PNLDC1: variants seen among roughly 807,000 people sequenced by gnomAD.
PNLDC1 encodes the protein poly(A)-specific ribonuclease PNLDC1.
In PNLDC1, 70 loss-of-function variants were observed where a neutral mutation model predicts 82.0. The observed-to-expected ratio is 0.85, with a 90% confidence interval of 0.70 to 1.04. The LOEUF is 1.04. PNLDC1 is among the 50% of genes least tolerant of loss of function. The pLI is 0.00. For missense variants in PNLDC1, 631 were observed against 661.1 expected (o/e 0.95, Z 0.50); for synonymous variants, 280 against 249.3 (o/e 1.12, Z -1.16).
Position 159,811,706 on chromosome 6 carries a change from T to C in PNLDC1, c.859T>C (p.Tyr287His), listed in dbSNP as rs753805006. ...ACCTGGGTTTTTCCCCTCAGAAAGC[T>C]ACGATCAATTTAAGCAGAATATCCA... The part of the protein sequence containing the change: ...EKFFRPLPES[Y>H]DQFKQNIHSL... The change falls in exon 11 of 19, where the codon TAC becomes CAC. Residue 287 changes from tyrosine to histidine, a missense_variant. Coordinates refer to ENST00000392167, the MANE Select transcript of PNLDC1 (RefSeq NM_001271862.2). 3 of 1,613,032 alleles carry C rather than the reference T, an allele frequency of 1.9e-6. No individual in the cohort carries two copies. Among genetic ancestry groups the C allele is most frequent in the South Asian group, 1.1e-5 (1 of 90,890 alleles).
Position 159,817,080 on chromosome 6 carries a change from A to G in PNLDC1, c.1115-29A>G, listed in dbSNP as rs368673000. 10 of 1,597,614 alleles carry G rather than the reference A, an allele frequency of 6.3e-6. No individual in the cohort carries two copies. The African/African-American group carries it at 6.7e-5, about 11-fold the overall frequency. On this transcript the variant is annotated intron_variant, in intron 14 of 18. Coordinates refer to ENST00000392167, the MANE Select transcript of PNLDC1 (RefSeq NM_001271862.2). ...AAGCATGCACATTTTGATAAGCTCT[A>G]TTGCATTTCTGTCTTTTTTCCTTCC...
At chr6:159,814,361 G>A (rs188555686) in intron 12 of PNLDC1, among the ~76,000 whole-genome samples, 1 of 152,134 alleles carries the variant, frequency 6.6e-6, no homozygotes, top group African/African-American at 2.4e-5. Flanking sequence ...TCTCTCAAGG[G>A]CCCCTCCTCA....
intron 1 of PNLDC1, 109 bp downstream of exon 1, chr6:159,800,492 C>A: frequency 7.3e-7 from 1 of 1,367,030 alleles, no homozygotes; most frequent in Non-Finnish European, 9.9e-7. Flanking sequence ...CAGAGAGGGC[C>A]TCGGGAAGGA....
In PNLDC1 at chr6:159,811,735, C is replaced by T; in HGVS notation, c.888C>T (p.Ser296=). 6.2e-7 allele frequency: 1 copy of T among 1,613,768 alleles called. No homozygotes were observed. Among genetic ancestry groups the T allele is most frequent in the Non-Finnish European group, 8.5e-7 (1 of 1,179,690 alleles). ...SYDQFKQNIH[S]LFPVLIDTKS... is the part of the protein sequence containing the mutation. ...ATCAATTTAAGCAGAATATCCACAG[C>T]CTATTTCCTGTTCTCATTGATACCA... is the stretch of plus-strand genomic sequence containing the variant. The change falls in exon 11 of 19, where the codon AGC becomes AGT. Residue 296 remains serine (S), a synonymous_variant. Coordinates refer to ENST00000392167, the MANE Select transcript of PNLDC1 (RefSeq NM_001271862.2).
Position 159,800,777 on chromosome 6 carries a change from G to A in PNLDC1, c.82G>A (p.Asp28Asn). Residue 28 changes from aspartate (D) to asparagine (N), a missense_variant, in exon 2 of 19, where the codon GAC becomes AAC. Transcript: ENST00000392167. ...LVQEADFVGL[D>N]IEFTGLRSNL... is the part of the protein sequence containing the mutation. The stretch of plus-strand genomic sequence containing the variant: ...ATTTTTTGCCTTCCTGGCAGGTCTG[G>A]ACATAGAGTTCACGGGCCTTCGTTC... The A allele has an allele frequency of 6.2e-7, 1 of 1,614,174 alleles. No individual in the cohort carries two copies. Among genetic ancestry groups the A allele is most frequent in the African/African-American group, 1.3e-5 (1 of 75,038 alleles).
chr6:159,808,477 C>T, intron 7 of PNLDC1, among the ~76,000 whole-genome samples: 1 of 151,050 alleles, frequency 6.6e-6, no homozygotes, highest in East Asian at 1.9e-4. Flanking sequence ...ATAGCTGTAA[C>T]TCACATAAAC....
intron 10 of PNLDC1, among the ~76,000 whole-genome samples, chr6:159,811,044 G>A (rs1187482447): frequency 3.3e-5 from 5 of 152,198 alleles, no homozygotes; most frequent in Non-Finnish European, 7.3e-5. Context: ...AATGAGAGGG[G>A]TCATCACCCT....
upstream of PNLDC1, among the ~76,000 whole-genome samples, chr6:159,799,875 G>T (rs1781169215): frequency 1.3e-5 from 2 of 152,122 alleles, no homozygotes; most frequent in Non-Finnish European, 2.9e-5. Context: ...TTGGGAAGAG[G>T]TGATTTAGAA....
intron 3 of PNLDC1, among the ~76,000 whole-genome samples, chr6:159,802,782 C>T (rs1227281449): frequency 6.6e-6 from 1 of 152,138 alleles, no homozygotes; most frequent in East Asian, 1.9e-4. Flanking sequence ...AGGGTTTCAC[C>T]ATGTTGGTCA....
intron 18 of PNLDC1, among the ~76,000 whole-genome samples, chr6:159,820,035 G>A (rs1317331867): frequency 6.6e-6 from 1 of 152,180 alleles, no homozygotes; most frequent in African/African-American, 2.4e-5. Context: ...GGAAGGAGAT[G>A]CTTCAGCTGG....
intron 3 of PNLDC1, among the ~76,000 whole-genome samples, chr6:159,802,994 G>C (rs1781318300): frequency 6.6e-6 from 1 of 151,948 alleles, no homozygotes; most frequent in Non-Finnish European, 1.5e-5. Context: ...ATTTTCTGTG[G>C]ATAGTTTTAA....
chr6:159,812,982 C>A (rs1781692271), intron 11 of PNLDC1, among the ~76,000 whole-genome samples: 1 of 152,096 alleles, frequency 6.6e-6, no homozygotes, highest in Non-Finnish European at 1.5e-5. Flanking sequence ...CGAGATTGCA[C>A]CCCTGTATTC....
Position 159,806,101 on chromosome 6 carries a change from C to T in PNLDC1, c.562+18C>T. The stretch of plus-strand genomic sequence containing the variant: ...GATCACTGGTAGGCAGGGCCTGTTC[C>T]TCCCAACGCAGGAGCATTGGGACAG... On this transcript the variant is annotated intron_variant, in intron 7 of 18. Transcript: ENST00000392167. 3 of 1,591,248 alleles carry T rather than the reference C, an allele frequency of 1.9e-6. No homozygotes were observed. The highest frequency in any genetic ancestry group is 2.6e-6 in the Non-Finnish European group (3 of 1,159,328).
intron 11 of PNLDC1, among the ~76,000 whole-genome samples, chr6:159,812,708 T>C (rs1338314463): frequency 1.3e-5 from 2 of 152,094 alleles, no homozygotes; most frequent in Non-Finnish European, 2.9e-5. Flanking sequence ...ACCTGACTGG[T>C]TTAAATGCTG....
chr6:159,813,728 G>A (rs918335255), intron 12 of PNLDC1, 72 bp downstream of exon 12: 204 of 1,376,194 alleles, frequency 1.5e-4, no homozygotes, highest in Non-Finnish European at 2.0e-4. Context: ...CAGGCCTTTG[G>A]GCTCTCTAGG....
rs1044584251 is a variant in PNLDC1, at chr6:159,801,047, C to T, written c.135-66C>T. 5.1e-6 allele frequency: 8 copies of T among 1,556,482 alleles called. No homozygotes were observed. The East Asian group carries it at 6.7e-5, about 13-fold the overall frequency. The stretch of plus-strand genomic sequence containing the variant: ...CCCCGGTTGCGAGTGGTGGTCCTGC[C>T]GCGGAGGCCATAGTGCCGGGATGGG... On this transcript the variant is annotated intron_variant, in intron 2 of 18. Transcript: ENST00000392167.
Position 159,804,581 on chromosome 6 carries a change from A to G in PNLDC1, c.405A>G (p.Glu135=). The G allele has an allele frequency of 1.2e-6, 2 of 1,609,678 alleles. No homozygotes were observed. The highest frequency in any genetic ancestry group is 1.7e-6 in the Non-Finnish European group (2 of 1,175,978). ...FLKNGIPYMN[E]EQEKKIRHDI... ...AAAACGGAATCCCATATATGAATGA[A>G]GAACAGGAGAAGAAAATTAGACACG... is the stretch of plus-strand genomic sequence containing the variant. The change falls in exon 6 of 19, where the codon GAA becomes GAG. Residue 135 remains glutamate (E), a synonymous_variant. Coordinates refer to ENST00000392167, the MANE Select transcript of PNLDC1 (RefSeq NM_001271862.2).
At chr6:159,818,912 G>A (rs1250966527) in intron 16 of PNLDC1, 34 bp from the exon 17 acceptor site, 1 of 1,604,436 alleles carries the variant, frequency 6.2e-7, no homozygotes, top group South Asian at 1.1e-5. Flanking sequence ...AGGAAGAACT[G>A]TGGAAAATCT....
rs537488437 is a variant in PNLDC1, at chr6:159,817,694, C to T, written c.1157+543C>T. ...GTAGGCACCAGAAACACATTAGCAG[C>T]GTGCACGCTACAGCACCGTCCTTGG... On this transcript the variant is annotated intron_variant, in intron 15 of 18. Coordinates refer to ENST00000392167, the MANE Select transcript of PNLDC1 (RefSeq NM_001271862.2). Among the ~76,000 whole-genome samples, 59 of 152,342 alleles carry T rather than the reference C, an allele frequency of 3.9e-4. 1 individual carries two copies. The South Asian group carries it at 8.5e-3, about 22-fold the overall frequency.
Sources: gnomAD v4.1 joint callset for allele counts (sites outside exome capture counted in the v4.1 genomes callset) on GRCh38, gnomAD v4.1.1 for gene constraint, MANE v1.5 for transcripts, NCBI Gene and HGNC (gene_info 2026-07-23, HGNC 2026-07-21) for gene names.